ZNF687: variants seen among roughly 807,000 people sequenced by gnomAD.
ZNF687 encodes the protein zinc finger protein 687.
ZNF687 carries 13 observed loss-of-function variants against 71.8 expected under a neutral mutation model. That is an observed-to-expected ratio of 0.18 (90% CI 0.12 to 0.29). The LOEUF is 0.29. Ranked by LOEUF, ZNF687 falls within the 10% of genes least tolerant of loss-of-function variation. ZNF687 has a pLI of 1.00. For synonymous variants in ZNF687, 673 were observed against 641.6 expected, an observed-to-expected ratio of 1.05 and a Z score of -0.74; for missense variants, 1,412 against 1,625.6, an observed-to-expected ratio of 0.87 and a Z score of 2.26.
At chr1:151,283,862 G>T (rs1464159212) in intron 1 of ZNF687, 16 of 985,298 alleles carry the variant, frequency 1.6e-5, no homozygotes, top group Non-Finnish European at 1.8e-5. Flanking sequence ...TCTAGTTACA[G>T]TCTGAAGACT....
chr1:151,290,224 T>C lies in ZNF687; in HGVS notation c.3067T>C (p.Tyr1023His). The C allele has an allele frequency of 6.2e-7, 1 of 1,613,974 alleles. No individual in the cohort carries two copies. The highest frequency in any genetic ancestry group is 8.5e-7 in the Non-Finnish European group (1 of 1,180,028). The change falls in exon 7 of 9, where the codon TAC (tyrosine) becomes CAC (histidine). Residue 1023 changes from tyrosine (Y) to histidine (H), a missense_variant. Around this residue, in one of 8 missense-constraint regions of ZNF687, gnomAD observed 284 missense variants for 359.2 expected, o/e 0.79. Transcript: ENST00000336715. ...RVNHEGIKRV[Y>H]PCRYCTEGKR... Reference sequence around the variant, plus strand: ...TAATCACGAGGGCATCAAGCGAGTTTACCCCTGCAGGTAAGTCTTGCTCCC... The same window carrying C: ...TAATCACGAGGGCATCAAGCGAGTTCACCCCTGCAGGTAAGTCTTGCTCCC...
In ZNF687 at chr1:151,287,482, A is replaced by AGGC; in HGVS notation, c.1192_1194dup (p.Gly398dup). On this transcript the variant is annotated inframe_insertion, in exon 2 of 9. Coordinates refer to ENST00000336715, the MANE Select transcript of ZNF687 (RefSeq NM_020832.3). The surrounding 1 kb of genome is among the most constrained non-coding windows in gnomAD (Gnocchi z 5.0). ...AGTTGGGTGATGGTACAAGGCTGAA[A>AGGC]GGCACTGTGCTGCCTGTGGCCACCA... 6.2e-7 allele frequency: 1 copy of AGGC among 1,614,136 alleles called. No individual in the cohort carries two copies. Among genetic ancestry groups the AGGC allele is most frequent in the East Asian group, 2.2e-5 (1 of 44,870 alleles).
At position 151,290,474 on chromosome 1, in the gene ZNF687, C is replaced by T. The variant is rs761064540; in HGVS notation, c.3120C>T (p.Ile1040=). The T allele has an allele frequency of 1.2e-6, 2 of 1,613,926 alleles. No individual in the cohort carries two copies. Among genetic ancestry groups the T allele is most frequent in the South Asian group, 1.1e-5 (1 of 91,094 alleles). ...AACGCACCTTCAGCAGCCGCCTGAT[C>T]CTAGAGAAACATGTCCAGGTCCGGC... is the stretch of plus-strand genomic sequence containing the variant. The part of the protein sequence containing the change: ...EGKRTFSSRL[I]LEKHVQVRHG... The change falls in exon 8 of 9, where the codon ATC becomes ATT. Residue 1040 remains isoleucine (I), a synonymous_variant. Transcript: ENST00000336715.
chr1:151,288,436 G>C (rs1003538790), intron 2 of ZNF687, 30 bp downstream of exon 2: 3 of 1,592,562 alleles, frequency 1.9e-6, no homozygotes, highest in Non-Finnish European at 2.6e-6. Flanking sequence ...CCTTCTGTGG[G>C]GACAGGATCT....
upstream of ZNF687, chr1:151,281,975 G>A (rs1693730029): frequency 8.3e-7 from 1 of 1,207,684 alleles, no homozygotes. Flanking sequence ...CAGTAGGCAA[G>A]CTGGGAAGCA....
At chr1:151,282,490 C>T in intron 1 of ZNF687, 95 bp downstream of exon 1, 5 of 889,208 alleles carry the variant, frequency 5.6e-6, no homozygotes, top group Non-Finnish European at 6.7e-6. Flanking sequence ...GTCAACTACC[C>T]CCTTCTCCGC....
chr1:151,287,197 C>G lies in ZNF687; in HGVS notation c.906C>G (p.Pro302=). Residue 302 remains proline, a synonymous_variant, in exon 2 of 9, where the codon CCC becomes CCG. Transcript: ENST00000336715. The surrounding 1 kb of genome is among the most constrained non-coding windows in gnomAD (Gnocchi z 5.0). The part of the protein sequence containing the change: ...GPVDKSSPGS[P]QSPSSGAEAA... ...TGGACAAGTCTTCCCCAGGAAGTCC[C>G]CAGAGTCCCTCTAGTGGGGCCGAGG... 1 of 1,614,180 alleles carries G rather than the reference C, an allele frequency of 6.2e-7. No individual in the cohort carries two copies. Among genetic ancestry groups the G allele is most frequent in the Non-Finnish European group, 8.5e-7 (1 of 1,180,018 alleles).
chr1:151,283,928 A>G (rs1163652517), intron 1 of ZNF687: 1 of 985,232 alleles, frequency 1.0e-6, no homozygotes, highest in Non-Finnish European at 1.2e-6. Flanking sequence ...CAGGGAATGG[A>G]TAGGGATAGA....
In ZNF687 at chr1:151,289,971, T is replaced by G. The variant is rs776846891; in HGVS notation, c.2928T>G (p.Asp976Glu). 7 of 1,579,096 alleles carry G rather than the reference T, an allele frequency of 4.4e-6. No individual in the cohort carries two copies. The African/African-American group carries it at 9.5e-5, about 21-fold the overall frequency. Residue 976 changes from aspartate to glutamate, a missense_variant, in exon 6 of 9, where the codon GAT becomes GAG. By Grantham distance (45) the Asp-to-Glu change is conservative. Around this residue, in one of 8 missense-constraint regions of ZNF687, gnomAD observed 135 missense variants for 104.1 expected, o/e 1.30. Coordinates refer to ENST00000336715, the MANE Select transcript of ZNF687 (RefSeq NM_020832.3). The part of the protein sequence containing the change: ...GLCHSWFPER[D>E]EYVAHMKKEH... ...GTCACTCCTGGTTCCCTGAGCGTGA[T>G]GAATACGTGGCCCACATGAAGAAGG...
rs1485672925 is a variant in ZNF687 at position 151,286,775 on chromosome 1, C to T, written c.484C>T (p.Leu162=). The T allele has an allele frequency of 3.1e-6, 5 of 1,614,110 alleles. No homozygotes were observed. Among genetic ancestry groups the T allele is most frequent in the Non-Finnish European group, 4.2e-6 (5 of 1,180,042 alleles). ...KGMEGKTPLD[L]FAHFGPEPGD... is the part of the protein sequence containing the mutation. ...CATGGAAGGCAAAACTCCCTTGGAC[C>T]TGTTTGCTCATTTTGGCCCTGAGCC... The change falls in exon 2 of 9, where the codon CTG becomes TTG. Residue 162 remains leucine (L), a synonymous_variant. Transcript: ENST00000336715.
rs1694110385 is a variant in ZNF687 at position 151,289,535 on chromosome 1, C to T, written c.2629C>T (p.Leu877Phe). Residue 877 changes from leucine (L) to phenylalanine (F), a missense_variant, in exon 5 of 9, where the codon CTC becomes TTC. By Grantham distance (22) the Leu-to-Phe change is conservative. This residue lies in a region of ZNF687 where 106 missense variants were observed against 146.0 expected (regional missense o/e 0.73). Coordinates refer to ENST00000336715, the MANE Select transcript of ZNF687 (RefSeq NM_020832.3). ...CCAAAAAAGGACCATGCTGGAACAT[C>T]TCAAGGTACAGGAGCAGAGGGATGG... ...FAQKRTMLEH[L>F]KNTHQSGRLE... 6.2e-7 allele frequency: 1 copy of T among 1,614,100 alleles called. No homozygotes were observed. The highest frequency in any genetic ancestry group is 1.6e-4 in the Middle Eastern group (1 of 6,062).
At position 151,286,732 on chromosome 1, in the gene ZNF687, C is replaced by T; in HGVS notation, c.441C>T (p.Gly147=). 1.9e-6 allele frequency: 3 copies of T among 1,614,216 alleles called. No homozygotes were observed. Among genetic ancestry groups the T allele is most frequent in the South Asian group, 2.2e-5 (2 of 91,084 alleles). The change falls in exon 2 of 9, where the codon GGC becomes GGT. Residue 147 remains glycine (G), a synonymous_variant. Transcript: ENST00000336715. ...TPHSPAPPSG[G]TWKEKGMEGK... ...ACTCTCCTGCTCCTCCCAGTGGGGG[C>T]ACCTGGAAAGAAAAAGGCATGGAAG...
At chr1:151,286,181 TGA>T in intron 1 of ZNF687, 92 bp from the exon 2 acceptor site, 3 of 1,099,420 alleles carry the variant, frequency 2.7e-6, no homozygotes, top group Non-Finnish European at 3.9e-6. Context: ...ATGTGGGTTC[TGA>T]GAGAGGATAA....
chr1:151,288,136 G>A lies in ZNF687; in HGVS notation c.1845G>A (p.Pro615=), dbSNP rs201084367. Residue 615 remains proline, a synonymous_variant, in exon 2 of 9, where the codon CCG becomes CCA. Transcript: ENST00000336715. ...DQMVGQPDIT[P]LLPVAVPPVS... ...TGGTGGGGCAGCCGGACATCACACC[G>A]CTGCTGCCTGTAGCTGTCCCACCTG... is the stretch of plus-strand genomic sequence containing the variant. 194 of 1,613,702 alleles carry A rather than the reference G, an allele frequency of 1.2e-4. No homozygotes were observed. The highest frequency in any genetic ancestry group is 1.6e-4 in the Non-Finnish European group (186 of 1,180,010).
At chr1:151,284,216 T>C (rs1218244778) in intron 1 of ZNF687, 1 of 985,050 alleles carries the variant, frequency 1.0e-6, no homozygotes, top group African/African-American at 1.8e-5. Context: ...TGGGTGAGGG[T>C]TGAGGGAGCC....
upstream of ZNF687, chr1:151,282,045 G>A (rs1209347741): frequency 8.6e-6 from 11 of 1,282,014 alleles, no homozygotes; most frequent in Non-Finnish European, 9.2e-6. Context: ...CTCGTAGATG[G>A]GGCAGACGGA....
intron 2 of ZNF687, 24 bp downstream of exon 2, chr1:151,288,430 C>T: frequency 6.3e-7 from 1 of 1,595,758 alleles, no homozygotes; most frequent in Non-Finnish European, 8.5e-7. Flanking sequence ...CACAGCCCTT[C>T]TGTGGGGACA....
chr1:151,284,462 CTCTT>C (rs1220524306), intron 1 of ZNF687, among the ~76,000 whole-genome samples: 1 of 152,152 alleles, frequency 6.6e-6, no homozygotes, highest in Non-Finnish European at 1.5e-5. Context: ...TTCTCTTTGT[CTCTT>C]TCTGTTCCTG....
At chr1:151,283,328 G>A in intron 1 of ZNF687, 2 of 984,848 alleles carry the variant, frequency 2.0e-6, no homozygotes, top group East Asian at 1.1e-4. Flanking sequence ...GGTCAGTGGA[G>A]CCCCCACTCG....
Sources: gnomAD v4.1 joint callset for allele counts (sites outside exome capture counted in the v4.1 genomes callset) on GRCh38, gnomAD v4.1.1 for gene constraint, gnomAD v4.1.1 regional missense constraint, Gnocchi (gnomAD v3.1) non-coding constraint, MANE v1.5 for transcripts, NCBI Gene and HGNC (gene_info 2026-07-23, HGNC 2026-07-21) for gene names.